MECOM: variants seen among roughly 807,000 people sequenced by gnomAD.
MECOM encodes the protein histone-lysine N-methyltransferase MECOM.
Under a neutral mutation model 116.3 loss-of-function variants are expected in MECOM, and 13 were observed. The ratio of observed to expected loss-of-function variants is 0.11; its 90% CI spans 0.07 to 0.18. The LOEUF is 0.18. Ranked by LOEUF, MECOM falls within the 10% of genes least tolerant of loss-of-function variation. The pLI, the probability that MECOM is intolerant of heterozygous loss-of-function variation, is 1.00. For missense variants in MECOM, 1,299 were observed against 1,509.0 expected (o/e 0.86, Z 2.31); for synonymous variants, 528 against 535.2 (o/e 0.99, Z 0.19).
At chr3:169,136,043 C>A (rs1270891645) in intron 3 of MECOM, among the ~76,000 whole-genome samples, 1 of 151,518 alleles carries the variant, frequency 6.6e-6, no homozygotes, top group Non-Finnish European at 1.5e-5. Context: ...AAATTAAATG[C>A]CCTAAACAGA....
chr3:169,663,201 G>T (rs1390577805), intron 1 of MECOM, 135 bp downstream of exon 1: 7 of 991,956 alleles, frequency 7.1e-6, no homozygotes, highest in Non-Finnish European at 1.1e-5. Flanking sequence ...GGTTGCTGGG[G>T]CTGCGCTCCG....
chr3:169,131,359 G>T, intron 4 of MECOM, 70 bp downstream of exon 4: 2 of 1,279,768 alleles, frequency 1.6e-6, no homozygotes, highest in Non-Finnish European at 2.3e-6. Context: ...CAGGAACAAT[G>T]GATGCTTTCG....
At chr3:169,149,409 C>T (rs1220507182) in intron 2 of MECOM, 1 of 169,656 alleles carries the variant, frequency 5.9e-6, no homozygotes, top group Non-Finnish European at 1.3e-5. Flanking sequence ...CGAGTTTTTT[C>T]CCCTATATTG....
At chr3:169,489,862 A>G (rs1193007388) in intron 1 of MECOM, among the ~76,000 whole-genome samples, 3 of 152,226 alleles carry the variant, frequency 2.0e-5, no homozygotes, top group Non-Finnish European at 2.9e-5. Flanking sequence ...AAGCACAAAC[A>G]TATAAAGTAT....
At chr3:169,556,813 G>A (rs796703686) in intron 1 of MECOM, among the ~76,000 whole-genome samples, 3 of 152,102 alleles carry the variant, frequency 2.0e-5, no homozygotes, top group Non-Finnish European at 2.9e-5. Context: ...TTCACATGAC[G>A]GTAGTCCCCA....
chr3:169,653,078 A>G (rs1351144055), intron 1 of MECOM, among the ~76,000 whole-genome samples: 1 of 152,218 alleles, frequency 6.6e-6, no homozygotes, highest in East Asian at 1.9e-4. Context: ...ATTGGTGAAA[A>G]TTAGGAATAA....
chr3:169,107,775 C>A (rs1363207064), intron 10 of MECOM, 151 bp downstream of exon 10: 10 of 577,154 alleles, frequency 1.7e-5, no homozygotes, highest in Non-Finnish European at 3.0e-5. Context: ...AAGAATGCAG[C>A]TTGAGAAAGC....
At chr3:169,380,350 G>A (rs1560201038) in intron 2 of MECOM, among the ~76,000 whole-genome samples, 1 of 151,966 alleles carries the variant, frequency 6.6e-6, no homozygotes, top group African/African-American at 2.4e-5. Context: ...ATGATGTAAT[G>A]ATTCAAGCAC....
intron 2 of MECOM, among the ~76,000 whole-genome samples, chr3:169,191,667 A>G (rs1747564170): frequency 7.1e-6 from 1 of 140,150 alleles, no homozygotes; most frequent in Admixed American, 7.5e-5. Flanking sequence ...AGGAAAAAAC[A>G]GAGAGAAAGA....
intron 1 of MECOM, among the ~76,000 whole-genome samples, chr3:169,574,438 T>C (rs1490818111): frequency 6.6e-6 from 1 of 152,246 alleles, no homozygotes; most frequent in Non-Finnish European, 1.5e-5. Flanking sequence ...AATGGTGAGA[T>C]GAGTTTTGTA....
At chr3:169,322,764 G>A (rs539385618) in intron 2 of MECOM, among the ~76,000 whole-genome samples, 3 of 152,030 alleles carry the variant, frequency 2.0e-5, no homozygotes, top group African/African-American at 4.8e-5. Flanking sequence ...TTGGGAGGCC[G>A]AGTCAGGCAT....
At chr3:169,533,018 C>T (rs921641162) in intron 1 of MECOM, among the ~76,000 whole-genome samples, 2 of 152,126 alleles carry the variant, frequency 1.3e-5, no homozygotes, top group African/African-American at 4.8e-5. Flanking sequence ...ATGTGATGAA[C>T]AGGCACTGGC....
rs147951169 is a variant in MECOM at position 169,090,143 on chromosome 3, C to G, written c.3258G>C (p.Leu1086Phe). 3.7e-6 allele frequency: 6 copies of G among 1,613,348 alleles called. No individual in the cohort carries two copies. In the African/African-American group the frequency reaches 6.7e-5, roughly 18 times the overall value. Residue 1086 changes from leucine to phenylalanine, a missense_variant, in exon 15 of 17, where the codon TTG (leucine) becomes TTC (phenylalanine). By Grantham distance (22) the Leu-to-Phe change is conservative. This residue lies in a region of MECOM where 273 missense variants were observed against 289.3 expected (regional missense o/e 0.94). Coordinates refer to ENST00000651503, the MANE Select transcript of MECOM (RefSeq NM_004991.4). ...CATTGTCTTCATCCTCCTCATCTAA[C>G]AACACCTCATCTTCAACTTCTTCAT... is the stretch of plus-strand genomic sequence containing the variant. ...LDDEEVEDEV[L>F]LDEEDEDNDI...
At chr3:169,559,641 A>G (rs1054660373) in intron 1 of MECOM, among the ~76,000 whole-genome samples, 2 of 152,172 alleles carry the variant, frequency 1.3e-5, no homozygotes, top group South Asian at 4.1e-4. Context: ...AGCATTTCAT[A>G]CACATTATCT....
At chr3:169,289,476 T>A (rs1472560486) in intron 2 of MECOM, among the ~76,000 whole-genome samples, 1 of 152,238 alleles carries the variant, frequency 6.6e-6, no homozygotes, top group Non-Finnish European at 1.5e-5. Context: ...ATTATTTAAA[T>A]GACCCATTTA....
Position 169,089,004 on chromosome 3 carries a change from G to A in MECOM, c.3581C>T (p.Ser1194Leu), listed in dbSNP as rs184103354. Residue 1194 changes from serine (S) to leucine (L), a missense_variant, in exon 16 of 17, where the codon TCG becomes TTG. Around this residue, in one of 6 missense-constraint regions of MECOM, gnomAD observed 273 missense variants for 289.3 expected, o/e 0.94. Coordinates refer to ENST00000651503, the MANE Select transcript of MECOM (RefSeq NM_004991.4). ...LKQPLHRKSK[S>L]QAYAMMLSLS... ...GTACTATGGGAAAATCTGTACCTGC[G>A]ATTTGGACTTTCTGTGTAACGGCTG... 18 of 1,590,746 alleles carry A rather than the reference G, an allele frequency of 1.1e-5. No individual in the cohort carries two copies. In the East Asian group the frequency reaches 1.1e-4, roughly 10 times the overall value.
chr3:169,373,393 G>A (rs1730473352), intron 2 of MECOM, among the ~76,000 whole-genome samples: 1 of 151,760 alleles, frequency 6.6e-6, no homozygotes, highest in African/African-American at 2.4e-5. Context: ...TACCTTACTT[G>A]GGAAATATAT....
chr3:169,147,733 T>TGC (rs374314316), intron 2 of MECOM: 86,540 of 976,914 alleles, frequency 0.089, 2,836 homozygotes, highest in African/African-American at 0.19. Flanking sequence ...TGTGTGTGTG[T>TGC]GCGCGCGAGT....
intron 1 of MECOM, among the ~76,000 whole-genome samples, chr3:169,613,359 G>A (rs1458148390): frequency 1.3e-5 from 2 of 152,086 alleles, no homozygotes; most frequent in African/African-American, 4.8e-5. Context: ...ACATCGGGGC[G>A]GAAATGCATC....
Sources: allele counts gnomAD v4.1 joint callset (sites outside exome capture counted in the v4.1 genomes callset), GRCh38; gene constraint gnomAD v4.1.1; regional missense constraint gnomAD v4.1.1; transcripts MANE v1.5; gene names NCBI Gene and HGNC (gene_info 2026-07-23, HGNC 2026-07-21).